MIPOL1: variants seen among roughly 807,000 people sequenced by gnomAD.
MIPOL1 encodes mirror-image polydactyly 1, also known as mirror-image polydactyly gene 1 protein.
Under a neutral mutation model 60.9 loss-of-function variants are expected in MIPOL1, and 57 were observed. That is an observed-to-expected ratio of 0.94 (90% confidence interval 0.76 to 1.17). The LOEUF (loss-of-function observed/expected upper bound fraction) is 1.17. MIPOL1 is among the 50% of genes most tolerant of loss of function. The pLI, the probability that MIPOL1 is intolerant of heterozygous loss-of-function variation, is 0.00. For synonymous variants in MIPOL1, 179 were observed against 168.8 expected, an observed-to-expected ratio of 1.06 and a Z score of -0.47; for missense variants, 551 against 511.6, an observed-to-expected ratio of 1.08 and a Z score of -0.74.
At chr14:37,486,195 A>T (rs565912745) in intron 11 of MIPOL1, among the ~76,000 whole-genome samples, 3 of 152,084 alleles carry the variant, frequency 2.0e-5, no homozygotes, top group Non-Finnish European at 4.4e-5. Context: ...ATTCGTCTAT[A>T]TATCTGTTTT....
At chr14:37,532,775 C>T (rs1318097861) in intron 12 of MIPOL1, among the ~76,000 whole-genome samples, 3 of 152,008 alleles carry the variant, frequency 2.0e-5, no homozygotes, top group Admixed American at 1.3e-4. Flanking sequence ...GAGTAAATCA[C>T]CTAGATAATA....
chr14:37,508,007 A>C (rs1219844863), intron 12 of MIPOL1, among the ~76,000 whole-genome samples: 1 of 152,140 alleles, frequency 6.6e-6, no homozygotes, highest in Non-Finnish European at 1.5e-5. Context: ...TTCATATTTA[A>C]TTGCCATCAA....
chr14:37,491,425 A>T (rs1206525209), intron 11 of MIPOL1, among the ~76,000 whole-genome samples: 2 of 152,178 alleles, frequency 1.3e-5, no homozygotes, highest in African/African-American at 4.8e-5. Context: ...GCTACTCAGG[A>T]GGCTGAGGTA....
intron 9 of MIPOL1, among the ~76,000 whole-genome samples, chr14:37,328,248 C>T (rs1312264643): frequency 1.3e-5 from 2 of 151,988 alleles, no homozygotes; most frequent in African/African-American, 4.8e-5. Flanking sequence ...CTCCTGACCT[C>T]GGGCAATCCA....
chr14:37,230,557 T>C (rs988080884), intron 1 of MIPOL1, among the ~76,000 whole-genome samples: 20 of 152,196 alleles, frequency 1.3e-4, no homozygotes, highest in African/African-American at 3.9e-4. Flanking sequence ...CTTTTCTTTT[T>C]CCTATGGGAA....
intron 1 of MIPOL1, among the ~76,000 whole-genome samples, chr14:37,205,286 T>A (rs1229824433): frequency 6.6e-6 from 1 of 151,952 alleles, no homozygotes; most frequent in Non-Finnish European, 1.5e-5. Flanking sequence ...GTATTTTTAG[T>A]AGAGACAGGA....
At chr14:37,375,240 A>T (rs2092743193) in intron 10 of MIPOL1, among the ~76,000 whole-genome samples, 1 of 151,956 alleles carries the variant, frequency 6.6e-6, no homozygotes, top group Admixed American at 6.6e-5. Flanking sequence ...TGAGTGTCTC[A>T]CTGTGTCACC....
intron 11 of MIPOL1, among the ~76,000 whole-genome samples, chr14:37,451,672 A>G (rs1306783297): frequency 1.3e-5 from 2 of 152,142 alleles, no homozygotes; most frequent in Non-Finnish European, 2.9e-5. Flanking sequence ...ATTGATTTTA[A>G]AAATCAAAGC....
intron 9 of MIPOL1, among the ~76,000 whole-genome samples, chr14:37,326,425 A>G (rs1475473090): frequency 7.9e-5 from 12 of 152,190 alleles, no homozygotes; most frequent in Admixed American, 5.9e-4. Flanking sequence ...TTTTTTTGGC[A>G]GAAGCATTGT....
chr14:37,366,867 T>A (rs1462819552), intron 9 of MIPOL1, among the ~76,000 whole-genome samples: 1 of 152,090 alleles, frequency 6.6e-6, no homozygotes, highest in Non-Finnish European at 1.5e-5. Context: ...AATTGCTGCA[T>A]CCTCTTGCTG....
intron 9 of MIPOL1, among the ~76,000 whole-genome samples, chr14:37,360,817 T>C (rs926833490): frequency 3.3e-5 from 5 of 152,118 alleles, no homozygotes; most frequent in Non-Finnish European, 7.4e-5. Context: ...TCCCTATTTC[T>C]TTCAGTTCTG....
At chr14:37,303,467 C>G (rs1345640240) in intron 7 of MIPOL1, among the ~76,000 whole-genome samples, 5 of 151,872 alleles carry the variant, frequency 3.3e-5, no homozygotes, top group Non-Finnish European at 7.4e-5. Flanking sequence ...TTTATTCTAT[C>G]TCTTTAACTA....
At chr14:37,363,302 G>T (rs568706896) in intron 9 of MIPOL1, among the ~76,000 whole-genome samples, 6 of 152,168 alleles carry the variant, frequency 3.9e-5, no homozygotes, top group Admixed American at 2.0e-4. Flanking sequence ...TTTGGTGTAG[G>T]TGTCCTTTTT....
intron 10 of MIPOL1, among the ~76,000 whole-genome samples, chr14:37,378,107 T>C (rs188096949): frequency 6.6e-6 from 1 of 152,246 alleles, no homozygotes; most frequent in Admixed American, 6.5e-5. Context: ...TGTAAAATGG[T>C]ACAGCTACTT....
At chr14:37,238,730 G>A (rs969640184) in intron 1 of MIPOL1, among the ~76,000 whole-genome samples, 6 of 150,760 alleles carry the variant, frequency 4.0e-5, no homozygotes, top group South Asian at 2.1e-4. Context: ...TCTGGTGATC[G>A]CTTGAGCCTA....
At chr14:37,250,132 A>G (rs972339657) in intron 3 of MIPOL1, among the ~76,000 whole-genome samples, 2 of 152,234 alleles carry the variant, frequency 1.3e-5, no homozygotes, top group African/African-American at 4.8e-5. Flanking sequence ...ATAGATGCAT[A>G]GACAGTTTAC....
intron 10 of MIPOL1, among the ~76,000 whole-genome samples, chr14:37,408,775 C>T (rs1490394111): frequency 1.3e-5 from 2 of 152,136 alleles, no homozygotes; most frequent in Admixed American, 6.5e-5. Context: ...TGCTTCCTAC[C>T]GTGTGGCAGG....
chr14:37,260,452 A>T (rs747001257), intron 3 of MIPOL1, among the ~76,000 whole-genome samples: 2 of 152,134 alleles, frequency 1.3e-5, no homozygotes, highest in Non-Finnish European at 2.9e-5. Flanking sequence ...ACTATTCTCT[A>T]TTCTTCTATA....
At chr14:37,345,581 T>C (rs913307648) in intron 9 of MIPOL1, among the ~76,000 whole-genome samples, 5 of 152,202 alleles carry the variant, frequency 3.3e-5, no homozygotes, top group Admixed American at 1.3e-4. Context: ...TGGTATCTGC[T>C]ATGACTAAAT....
Sources: allele counts gnomAD v4.1 joint callset (sites outside exome capture counted in the v4.1 genomes callset), GRCh38; gene constraint gnomAD v4.1.1; transcripts MANE v1.5; gene names NCBI Gene and HGNC (gene_info 2026-07-23, HGNC 2026-07-21).